The following ARHGEF7 variants were observed in gnomAD, a reference collection of about 807,000 sequenced individuals.
ARHGEF7 encodes Rho guanine nucleotide exchange factor 7, also known as PAK-interacting exchange factor beta.
A neutral mutation model predicts 109.8 loss-of-function variants in ARHGEF7; 33 were observed. The ratio of observed to expected loss-of-function variants is 0.30; its 90% CI spans 0.23 to 0.40. ARHGEF7 has a LOEUF of 0.40. ARHGEF7 is among the 10% of genes least tolerant of loss of function. ARHGEF7 has a pLI of 1.00. For synonymous variants in ARHGEF7, 458 were observed against 424.6 expected (o/e 1.08, Z -0.97); for missense variants, 938 against 1,098.5 (o/e 0.85, Z 2.07).
intron 4 of ARHGEF7, among the ~76,000 whole-genome samples, chr13:111,216,104 C>T (rs542626573): frequency 1.3e-5 from 2 of 152,230 alleles, no homozygotes; most frequent in South Asian, 4.1e-4. Context: ...TTGGGGTTCA[C>T]GCAGGTTCCT....
At position 111,273,947 on chromosome 13, in the gene ARHGEF7, A is replaced by G. The variant is rs747699812; in HGVS notation, c.1207A>G (p.Met403Val). The change falls in exon 10 of 22, where the codon ATG becomes GTG. Residue 403 changes from methionine to valine, a missense_variant. Met to Val is a conservative substitution (Grantham distance 21). Around this residue, in one of 4 missense-constraint regions of ARHGEF7, gnomAD observed 585 missense variants for 723.6 expected, o/e 0.81. Coordinates refer to ENST00000646102, the MANE Select transcript of ARHGEF7 (RefSeq NM_001354046.2). This position sits in a 1 kb window ranked among gnomAD's most constrained non-coding sequence, Gnocchi z 4.5. ...GCTGCTCAAAGAGCTCGAGAGACAC[A>G]TGGAGGTACTGCGCTTTCATTCTCT... ...PTLLKELERH[M>V]EDYHTDRQDI... is the part of the protein sequence containing the mutation. 5 of 1,614,186 alleles carry G rather than the reference A, an allele frequency of 3.1e-6. No individual in the cohort carries two copies. The highest frequency in any genetic ancestry group is 2.2e-5 in the East Asian group (1 of 44,876).
intron 2 of ARHGEF7, among the ~76,000 whole-genome samples, chr13:111,185,678 A>C (rs573093588): frequency 6.6e-6 from 1 of 152,334 alleles, no homozygotes; most frequent in East Asian, 1.9e-4. Flanking sequence ...GGCGACAGCC[A>C]GGCTGTTCTT....
rs75090295 is a variant in ARHGEF7 at position 111,255,478 on chromosome 13, A to G, written c.950+11184A>G. On this transcript the variant is annotated intron_variant, in intron 8 of 21. Coordinates refer to ENST00000646102, the MANE Select transcript of ARHGEF7 (RefSeq NM_001354046.2). This position sits in a 1 kb window ranked among gnomAD's most constrained non-coding sequence, Gnocchi z 4.1. Reference sequence around the variant, plus strand: ...ACCCACCCAGAGTCTTGCGGAGGTAAAGTGGCCTGGTACTTACGGAACCAT... The same window carrying G: ...ACCCACCCAGAGTCTTGCGGAGGTAGAGTGGCCTGGTACTTACGGAACCAT... Among the ~76,000 whole-genome samples the G allele has an allele frequency of 0.021, 3,264 of 152,230 alleles. 121 individuals are homozygous for G. Among genetic ancestry groups the G allele is most frequent in the African/African-American group, 0.075 (3,111 of 41,526 alleles).
intron 2 of ARHGEF7, among the ~76,000 whole-genome samples, chr13:111,204,416 T>C (rs2081535853): frequency 6.6e-6 from 1 of 152,254 alleles, no homozygotes; most frequent in Admixed American, 6.5e-5. Context: ...AACATAGTTG[T>C]GGACGATTTG....
chr13:111,168,270 G>A (rs2077295092), intron 2 of ARHGEF7, among the ~76,000 whole-genome samples: 1 of 152,144 alleles, frequency 6.6e-6, no homozygotes. Context: ...TGTCTCTGCG[G>A]TGTGCGACAG....
chr13:111,259,105 G>A (rs887092171), intron 8 of ARHGEF7, among the ~76,000 whole-genome samples: 21 of 152,150 alleles, frequency 1.4e-4, no homozygotes, highest in African/African-American at 4.8e-4. Flanking sequence ...TTCAGCTTCC[G>A]GGCTCTGGCT....
rs1481571217 is a variant in ARHGEF7 at position 111,239,246 on chromosome 13, TCC to T, written c.760-4624_760-4623del. On this transcript the variant is annotated intron_variant, in intron 6 of 21. Coordinates refer to ENST00000646102, the MANE Select transcript of ARHGEF7 (RefSeq NM_001354046.2). This position sits in a 1 kb window ranked among gnomAD's most constrained non-coding sequence, Gnocchi z 4.3. Reference sequence around the variant, plus strand: ...GCCATAGAGCCAAACCATATCACTTTCCCTGTTATTTAGAGCATTATTATAAT... The same window carrying T: ...GCCATAGAGCCAAACCATATCACTTTCTGTTATTTAGAGCATTATTATAAT... Among the ~76,000 whole-genome samples, 13 of 152,226 alleles carry T rather than the reference TCC, an allele frequency of 8.5e-5. No individual in the cohort carries two copies. Among genetic ancestry groups the T allele is most frequent in the African/African-American group, 3.1e-4 (13 of 41,452 alleles).
intron 2 of ARHGEF7, among the ~76,000 whole-genome samples, chr13:111,175,591 G>A (rs972847466): frequency 1.3e-5 from 2 of 152,214 alleles, no homozygotes; most frequent in Non-Finnish European, 2.9e-5. Flanking sequence ...GGCCCCAGGG[G>A]CGGGCCTCCT....
At chr13:111,132,262 G>A (rs1214098993) in intron 1 of ARHGEF7, among the ~76,000 whole-genome samples, 1 of 152,180 alleles carries the variant, frequency 6.6e-6, no homozygotes, top group Non-Finnish European at 1.5e-5. Context: ...AGGCCAATAA[G>A]TGTTGCGTTG....
chr13:111,180,374 A>G (rs1380607269), intron 2 of ARHGEF7, among the ~76,000 whole-genome samples: 4 of 152,232 alleles, frequency 2.6e-5, no homozygotes, highest in Non-Finnish European at 5.9e-5. Context: ...TCAGGAGTGA[A>G]TAGAAGGAAG....
intron 2 of ARHGEF7, among the ~76,000 whole-genome samples, chr13:111,202,495 A>G: frequency 6.6e-6 from 1 of 152,134 alleles, no homozygotes; most frequent in East Asian, 1.9e-4. Context: ...GAGACAATGG[A>G]ATATGGTTTG....
At chr13:111,179,084 T>C (rs992158442) in intron 2 of ARHGEF7, among the ~76,000 whole-genome samples, 9 of 102,440 alleles carry the variant, frequency 8.8e-5, no homozygotes, top group Non-Finnish European at 8.3e-5. Context: ...GCCTGTTCTT[T>C]TTTTTTTTTT....
At chr13:111,208,935 C>T (rs2082188761) in intron 3 of ARHGEF7, among the ~76,000 whole-genome samples, 2 of 152,216 alleles carry the variant, frequency 1.3e-5, no homozygotes, top group African/African-American at 4.8e-5. Context: ...GGATATAGAC[C>T]TGGTGTGGCC....
rs1567016945 is a variant in ARHGEF7, at chr13:111,267,631, C to T, written c.1034C>T (p.Ala345Val). Residue 345 changes from alanine to valine, a missense_variant, in exon 9 of 22, where the codon GCC becomes GTC. By Grantham distance (64) the Ala-to-Val change is moderately conservative (BLOSUM62 0). Transcript: ENST00000646102. ...AAAACCCTGTACCTCACGTATTGTGCCAATCACCCTTCTGCAGTGAATGTC... is the reference window on the plus strand; with the variant it reads ...AAAACCCTGTACCTCACGTATTGTGTCAATCACCCTTCTGCAGTGAATGTC... ...QMKTLYLTYC[A>V]NHPSAVNVLT... 6.2e-7 allele frequency: 1 copy of T among 1,614,052 alleles called. No homozygotes were observed. Among genetic ancestry groups the T allele is most frequent in the South Asian group, 1.1e-5 (1 of 91,064 alleles).
At chr13:111,119,477 G>A (rs1237459852) in intron 1 of ARHGEF7, among the ~76,000 whole-genome samples, 1 of 152,188 alleles carries the variant, frequency 6.6e-6, no homozygotes, top group African/African-American at 2.4e-5. Context: ...TACAGAAAAT[G>A]TAACTCGAAA....
In ARHGEF7 at chr13:111,273,774, T is replaced by C. The variant is rs2153596677; in HGVS notation, c.1074-40T>C. ...ATGAGAGAGCCACCATTGTCTCTCA[T>C]TGCTAACCACGAGTGTCTCTCTTGC... On this transcript the variant is annotated intron_variant, in intron 9 of 21. Transcript: ENST00000646102. This position sits in a 1 kb window ranked among gnomAD's most constrained non-coding sequence, Gnocchi z 4.5. 1.2e-6 allele frequency: 2 copies of C among 1,610,942 alleles called. No homozygotes were observed. The highest frequency in any genetic ancestry group is 1.7e-6 in the Non-Finnish European group (2 of 1,177,282).
At chr13:111,282,986 C>CT in intron 15 of ARHGEF7, 153 bp from the exon 16 acceptor site, 7 of 1,119,394 alleles carry the variant, frequency 6.3e-6, no homozygotes, top group Non-Finnish European at 8.8e-6. Context: ...AAACTGACTG[C>CT]TGAGAGCCAG....
chr13:111,292,004 C>CCTTCT, intron 18 of ARHGEF7, 114 bp from the exon 19 acceptor site: 1 of 835,282 alleles, frequency 1.2e-6, no homozygotes, highest in South Asian at 1.8e-5. Context: ...TTTCTCTTTT[C>CCTTCT]CTTCTCTTCC....
At chr13:111,257,717 T>C (rs1329411406) in intron 8 of ARHGEF7, among the ~76,000 whole-genome samples, 1 of 152,250 alleles carries the variant, frequency 6.6e-6, no homozygotes, top group Non-Finnish European at 1.5e-5. Context: ...CTGATACTAC[T>C]GCTCCCTCAA....
Sources: allele counts gnomAD v4.1 joint callset (sites outside exome capture counted in the v4.1 genomes callset), GRCh38; gene constraint gnomAD v4.1.1; regional missense constraint gnomAD v4.1.1; non-coding constraint Gnocchi (gnomAD v3.1); transcripts MANE v1.5; gene names NCBI Gene and HGNC (gene_info 2026-07-23, HGNC 2026-07-21).